RBFOX1: variants seen among roughly 807,000 people sequenced by gnomAD.
The protein encoded by RBFOX1 is RNA binding fox-1 homolog 1, also known as RNA binding protein fox-1 homolog 1.
A neutral mutation model predicts 57.7 loss-of-function variants in RBFOX1; 8 were observed. The ratio of observed to expected loss-of-function variants is 0.14; its 90% CI spans 0.08 to 0.25. The LOEUF (loss-of-function observed/expected upper bound fraction) is 0.25, where lower values mean the gene tolerates loss of function less well. Among genes scored for constraint, RBFOX1 ranks in the 10% least tolerant of loss-of-function variants. RBFOX1 has a pLI of 1.00. For synonymous variants in RBFOX1, 326 were observed against 222.4 expected (o/e 1.47, Z -4.15); for missense variants, 611 against 548.5 (o/e 1.11, Z -1.14).
intron 2 of RBFOX1, among the ~76,000 whole-genome samples, chr16:5,553,505 C>A (rs1315646050): frequency 6.6e-6 from 1 of 151,956 alleles, no homozygotes; most frequent in Non-Finnish European, 1.5e-5. Flanking sequence ...TTAGTAGAGA[C>A]AGGGTTTCAC....
At chr16:7,401,769 A>C (rs1446692475) in intron 4 of RBFOX1, among the ~76,000 whole-genome samples, 1 of 152,212 alleles carries the variant, frequency 6.6e-6, no homozygotes, top group Admixed American at 6.5e-5. Flanking sequence ...ACATATTGGC[A>C]CAACTCAGGA....
intron 2 of RBFOX1, among the ~76,000 whole-genome samples, chr16:6,532,399 C>T (rs1362911839): frequency 6.6e-6 from 1 of 152,150 alleles, no homozygotes. Flanking sequence ...GGCTGTACTC[C>T]ACTCCAGGGT....
intron 4 of RBFOX1, among the ~76,000 whole-genome samples, chr16:7,358,774 A>G (rs1029475884): frequency 1.8e-4 from 28 of 152,168 alleles, no homozygotes; most frequent in Admixed American, 1.5e-3. Context: ...TGGTACAGCA[A>G]TGTTTGTATG....
chr16:7,257,136 C>T (rs1047567881), intron 4 of RBFOX1, among the ~76,000 whole-genome samples: 1 of 152,148 alleles, frequency 6.6e-6, no homozygotes, highest in African/African-American at 2.4e-5. Flanking sequence ...AACGAAATTG[C>T]CTTCGGAAAA....
chr16:6,942,282 A>C (rs2078676577), intron 3 of RBFOX1, among the ~76,000 whole-genome samples: 1 of 152,144 alleles, frequency 6.6e-6, no homozygotes, highest in Admixed American at 6.6e-5. Context: ...TCCATCTCAC[A>C]AACAAAAAAC....
At chr16:6,199,325 C>T (rs1295415757) in intron 1 of RBFOX1, among the ~76,000 whole-genome samples, 1 of 152,118 alleles carries the variant, frequency 6.6e-6, no homozygotes, top group Non-Finnish European at 1.5e-5. Flanking sequence ...ATGATTTCCC[C>T]TAATAGAATG....
At chr16:6,764,631 A>G (rs1419629544) in intron 3 of RBFOX1, among the ~76,000 whole-genome samples, 1 of 152,174 alleles carries the variant, frequency 6.6e-6, no homozygotes. Flanking sequence ...ATTAGAGATG[A>G]TAATTATTAA....
chr16:6,525,823 C>G (rs768473784), intron 2 of RBFOX1, among the ~76,000 whole-genome samples: 3 of 152,008 alleles, frequency 2.0e-5, no homozygotes, highest in Admixed American at 6.6e-5. Flanking sequence ...ATAACTTAAG[C>G]GCTTCATAAA....
chr16:7,503,751 C>G (rs543769761), intron 4 of RBFOX1, among the ~76,000 whole-genome samples: 1 of 152,222 alleles, frequency 6.6e-6, no homozygotes, highest in Admixed American at 6.5e-5. Context: ...TCTGTTCTTT[C>G]CCTTACAAAA....
intron 1 of RBFOX1, among the ~76,000 whole-genome samples, chr16:5,282,635 G>T (rs536960004): frequency 6.6e-6 from 1 of 152,328 alleles, no homozygotes; most frequent in South Asian, 2.1e-4. Context: ...TGCCCCTGCT[G>T]TAGAGATTTG....
intron 1 of RBFOX1, among the ~76,000 whole-genome samples, chr16:5,349,182 C>A (rs988767706): frequency 6.6e-6 from 1 of 152,116 alleles, no homozygotes. Context: ...GGGAAGTAAA[C>A]CAATCACCGA....
chr16:5,340,911 A>T (rs2065017764), intron 1 of RBFOX1, among the ~76,000 whole-genome samples: 1 of 152,124 alleles, frequency 6.6e-6, no homozygotes, highest in Admixed American at 6.5e-5. Flanking sequence ...GTGGGAGGAG[A>T]GTGAGGGACT....
At chr16:6,334,840 C>G (rs993394677) in intron 2 of RBFOX1, among the ~76,000 whole-genome samples, 10 of 152,166 alleles carry the variant, frequency 6.6e-5, no homozygotes, top group Non-Finnish European at 1.3e-4. Context: ...TGCCATTCTG[C>G]TCTAGACAGA....
At chr16:7,156,308 A>C (rs1443084472) in intron 4 of RBFOX1, among the ~76,000 whole-genome samples, 4 of 145,434 alleles carry the variant, frequency 2.8e-5, no homozygotes, top group Non-Finnish European at 6.0e-5. Context: ...GTAGTGTATT[A>C]TACATATATA....
chr16:6,620,354 G>T (rs573147849), intron 2 of RBFOX1, among the ~76,000 whole-genome samples: 55 of 152,270 alleles, frequency 3.6e-4, no homozygotes, highest in Non-Finnish European at 6.6e-4. Flanking sequence ...GCAGTGTTAA[G>T]AGGGAAATGT....
At chr16:6,790,227 C>G (rs902449971) in intron 3 of RBFOX1, among the ~76,000 whole-genome samples, 1 of 146,008 alleles carries the variant, frequency 6.8e-6, no homozygotes, top group Non-Finnish European at 1.5e-5. Context: ...CTCTGTCAGC[C>G]AGGCTGGAAT....
intron 2 of RBFOX1, among the ~76,000 whole-genome samples, chr16:5,533,963 G>A (rs1043396438): frequency 1.3e-5 from 2 of 152,156 alleles, no homozygotes; most frequent in African/African-American, 2.4e-5. Context: ...ACAGTGATGA[G>A]AAGCCCACAC....
At chr16:7,580,074 A>T (rs1393676388) in intron 6 of RBFOX1, among the ~76,000 whole-genome samples, 154 bp downstream of exon 6, 1 of 152,166 alleles carries the variant, frequency 6.6e-6, no homozygotes, top group African/African-American at 2.4e-5. Flanking sequence ...TTGTGGCTAG[A>T]ATCTCTTTAT....
intron 3 of RBFOX1, among the ~76,000 whole-genome samples, chr16:6,751,960 TTA>T (rs1325195335): frequency 2.6e-5 from 4 of 152,150 alleles, no homozygotes; most frequent in Non-Finnish European, 4.4e-5. Context: ...AATTGAGATT[TTA>T]TGTCCTTGCC....
Sources: gnomAD v4.1 joint callset for allele counts (sites outside exome capture counted in the v4.1 genomes callset) on GRCh38, gnomAD v4.1.1 for gene constraint, MANE v1.5 for transcripts, NCBI Gene and HGNC (gene_info 2026-07-23, HGNC 2026-07-21) for gene names.